EPB41L2: variants seen among roughly 807,000 people sequenced by gnomAD.
EPB41L2 encodes the protein erythrocyte membrane protein band 4.1 like 2.
A neutral mutation model predicts 113.0 loss-of-function variants in EPB41L2; 43 were observed. That is an observed-to-expected ratio of 0.38 (90% CI 0.30 to 0.49). The LOEUF (loss-of-function observed/expected upper bound fraction) is 0.49. Ranked by LOEUF, EPB41L2 falls within the 20% of genes least tolerant of loss-of-function variation. The pLI is 0.95. For missense variants in EPB41L2, 1,147 were observed against 1,223.4 expected, an observed-to-expected ratio of 0.94 and a Z score of 0.93; for synonymous variants, 442 against 436.7, an observed-to-expected ratio of 1.01 and a Z score of -0.15.
chr6:130,870,659 T>C (rs1192747238), intron 14 of EPB41L2, among the ~76,000 whole-genome samples: 3 of 152,192 alleles, frequency 2.0e-5, no homozygotes, highest in African/African-American at 7.2e-5. Flanking sequence ...AAAAATTGAA[T>C]TATACCAAAG....
intron 1 of EPB41L2, among the ~76,000 whole-genome samples, chr6:130,958,884 T>TA (rs1456901699): frequency 6.6e-6 from 1 of 152,092 alleles, no homozygotes; most frequent in Non-Finnish European, 1.5e-5. Context: ...AGAGGAGAAA[T>TA]GTAATAAGAT....
chr6:130,940,186 C>G (rs1247765750), intron 3 of EPB41L2, among the ~76,000 whole-genome samples: 1 of 152,214 alleles, frequency 6.6e-6, no homozygotes, highest in Non-Finnish European at 1.5e-5. Context: ...AATAAATACA[C>G]TGGCTTTGCA....
At chr6:130,967,774 G>A (rs1452363994) in intron 1 of EPB41L2, among the ~76,000 whole-genome samples, 1 of 152,142 alleles carries the variant, frequency 6.6e-6, no homozygotes, top group African/African-American at 2.4e-5. Context: ...AAGCTTTTGT[G>A]CAGATAAAAC....
At chr6:130,897,921 G>A (rs913810527) in intron 8 of EPB41L2, among the ~76,000 whole-genome samples, 25 of 151,788 alleles carry the variant, frequency 1.6e-4, no homozygotes, top group Non-Finnish European at 3.1e-4. Flanking sequence ...GAGATGGTAT[G>A]AAAGTACTTT....
chr6:130,926,785 A>G (rs1226224900), intron 3 of EPB41L2, 76 bp from the exon 4 acceptor site: 3 of 794,972 alleles, frequency 3.8e-6, no homozygotes, highest in African/African-American at 1.8e-5. Flanking sequence ...ACATCATATC[A>G]GATACATGAT....
chr6:130,928,527 A>G (rs1805584401), intron 3 of EPB41L2, among the ~76,000 whole-genome samples: 1 of 152,278 alleles, frequency 6.6e-6, no homozygotes. Flanking sequence ...AATACACCTC[A>G]GTTCAAGGAG....
intron 4 of EPB41L2, among the ~76,000 whole-genome samples, chr6:130,918,043 A>C (rs1046263279): frequency 3.3e-5 from 5 of 152,234 alleles, no homozygotes; most frequent in Admixed American, 1.3e-4. Flanking sequence ...AATTGGGTTT[A>C]AGAGAACTCT....
At position 130,932,366 on chromosome 6, in the gene EPB41L2, C is replaced by A. The variant is rs1251189484; in HGVS notation, c.706-5657G>T. Among the ~76,000 whole-genome samples the A allele has an allele frequency of 2.0e-5, 3 of 150,972 alleles. No individual in the cohort carries two copies. In the South Asian group the frequency reaches 6.3e-4, roughly 32 times the overall value. ...CTTGAATTCTACTGTATAAAAAGGA[C>A]TACAAATATACATTTGTTAACCAAG... On this transcript the variant is annotated intron_variant, in intron 3 of 19. Transcript: ENST00000337057.
intron 4 of EPB41L2, among the ~76,000 whole-genome samples, chr6:130,923,894 G>A (rs569347210): frequency 2.0e-5 from 3 of 152,264 alleles, no homozygotes; most frequent in South Asian, 2.1e-4. Context: ...GTTGAGTAAT[G>A]TAAACTACAT....
chr6:130,875,823 C>T (rs1205229862), intron 14 of EPB41L2, among the ~76,000 whole-genome samples: 1 of 151,870 alleles, frequency 6.6e-6, no homozygotes, highest in East Asian at 1.9e-4. Flanking sequence ...TAGTGAAACC[C>T]CGTCTCAACT....
intron 14 of EPB41L2, chr6:130,876,708 C>T: frequency 7.7e-7 from 1 of 1,304,098 alleles, no homozygotes; most frequent in Non-Finnish European, 1.0e-6. Context: ...TTCAACTGTC[C>T]ATATTGTCGG....
At chr6:130,859,542 C>T (rs1174394209) in intron 18 of EPB41L2, among the ~76,000 whole-genome samples, 3 of 150,822 alleles carry the variant, frequency 2.0e-5, no homozygotes, top group Non-Finnish European at 4.4e-5. Context: ...GGAAAGAATG[C>T]TAAAACAAAG....
chr6:131,030,962 C>T (rs1453851031), intron 1 of EPB41L2, among the ~76,000 whole-genome samples: 3 of 151,382 alleles, frequency 2.0e-5, no homozygotes, highest in African/African-American at 4.9e-5. Context: ...GGCAGTGGCA[C>T]GCACCAGTAG....
intron 1 of EPB41L2, among the ~76,000 whole-genome samples, chr6:130,971,228 A>C (rs1298127480): frequency 6.6e-6 from 1 of 152,206 alleles, no homozygotes; most frequent in Non-Finnish European, 1.5e-5. Context: ...GCACTTATGC[A>C]CTGTGGCCAT....
chr6:130,918,561 T>C (rs1455509017), intron 4 of EPB41L2, among the ~76,000 whole-genome samples: 1 of 152,136 alleles, frequency 6.6e-6, no homozygotes, highest in African/African-American at 2.4e-5. Context: ...ATAAGCACTC[T>C]CAATAGACAT....
rs149754870 is a variant in EPB41L2 at position 130,858,826 on chromosome 6, A to G, written c.2911-583T>C. 3.9e-5 allele frequency among the ~76,000 whole-genome samples: 6 copies of G among 152,390 alleles called. No individual in the cohort carries two copies. In the East Asian group the frequency reaches 1.2e-3, roughly 29 times the overall value. On this transcript the variant is annotated intron_variant, in intron 18 of 19. Transcript: ENST00000337057. The stretch of plus-strand genomic sequence containing the variant: ...ATGTCTATAAACCTCTAAGACACAG[A>G]ACTAAAGAGCAGTAGCAACAACATA...
chr6:130,898,020 A>T (rs1276310190), intron 8 of EPB41L2, among the ~76,000 whole-genome samples: 6 of 141,556 alleles, frequency 4.2e-5, no homozygotes, highest in Admixed American at 3.6e-4. Flanking sequence ...ATAGTAAGTT[A>T]AAAAAAAAAA....
At chr6:130,988,939 A>G (rs1182707314) in intron 1 of EPB41L2, among the ~76,000 whole-genome samples, 1 of 152,104 alleles carries the variant, frequency 6.6e-6, no homozygotes, top group Non-Finnish European at 1.5e-5. Flanking sequence ...AAATCCAAAA[A>G]TAAGCTGGGC....
intron 3 of EPB41L2, among the ~76,000 whole-genome samples, chr6:130,928,653 A>T (rs1805633879): frequency 6.6e-6 from 1 of 152,216 alleles, no homozygotes; most frequent in Non-Finnish European, 1.5e-5. Context: ...GAATTTCCTT[A>T]CAAGATTAAG....
Sources: gnomAD v4.1 joint callset for allele counts (sites outside exome capture counted in the v4.1 genomes callset) on GRCh38, gnomAD v4.1.1 for gene constraint, MANE v1.5 for transcripts, NCBI Gene and HGNC (gene_info 2026-07-23, HGNC 2026-07-21) for gene names.